The following LDLRAD4 variants were observed in gnomAD, a reference collection of about 807,000 sequenced individuals.
LDLRAD4 encodes low density lipoprotein receptor class A domain containing 4, also known as low-density lipoprotein receptor class A domain-containing protein 4.
LDLRAD4 carries 5 observed loss-of-function variants against 17.0 expected under a neutral mutation model. That is an observed-to-expected ratio of 0.29 (90% CI 0.15 to 0.62). LDLRAD4 has a LOEUF of 0.62. Ranked by LOEUF, LDLRAD4 falls within the 20% of genes least tolerant of loss-of-function variation. The pLI is 0.84. For missense variants in LDLRAD4, 340 were observed against 424.7 expected, an observed-to-expected ratio of 0.80 and a Z score of 1.75; for synonymous variants, 168 against 171.8, an observed-to-expected ratio of 0.98 and a Z score of 0.17.
At position 13,645,669 on chromosome 18, in the gene LDLRAD4, G is replaced by C; in HGVS notation, c.*12G>C. ...GGAACCTGGTCTGATTCCTTCCAAC[G>C]TGCACTTCAGCTGGAGAAAGAAACC... On this transcript the variant is annotated 3_prime_UTR_variant, in exon 6 of 6. Coordinates refer to ENST00000359446, the Ensembl canonical transcript of LDLRAD4. The surrounding 1 kb of genome is among the most constrained non-coding windows in gnomAD (Gnocchi z 5.7). 1 of 1,500,812 alleles carries C rather than the reference G, an allele frequency of 6.7e-7. No homozygotes were observed. The highest frequency in any genetic ancestry group is 1.4e-5 in the South Asian group (1 of 70,588). 93.0% of individuals were successfully genotyped at this position (1,500,812 alleles called of 1,614,324 possible).
upstream of LDLRAD4, among the ~76,000 whole-genome samples, chr18:13,275,503 A>T (rs1409745260): frequency 6.6e-6 from 1 of 152,200 alleles, no homozygotes; most frequent in Non-Finnish European, 1.5e-5. Context: ...TTTTGTGACT[A>T]GACATTGGCA....
chr18:13,457,496 T>C (rs1489306309), intron 3 of LDLRAD4, among the ~76,000 whole-genome samples: 1 of 152,074 alleles, frequency 6.6e-6, no homozygotes, highest in Non-Finnish European at 1.5e-5. Context: ...CTGAGGAGGA[T>C]CGTATGAGCA....
intron 1 of LDLRAD4, chr18:13,279,436 T>C (rs2045111057): frequency 6.6e-6 from 1 of 152,236 alleles, no homozygotes; most frequent in Non-Finnish European, 1.5e-5. Context: ...TTCTCTTTTA[T>C]TGTCTCAAAT....
intron 1 of LDLRAD4, among the ~76,000 whole-genome samples, chr18:13,339,561 C>T (rs1400825158): frequency 2.6e-5 from 4 of 152,066 alleles, no homozygotes; most frequent in South Asian, 2.1e-4. Context: ...AGCATAAAAA[C>T]GTAAACAAGA....
chr18:13,480,645 G>A (rs762547385), intron 3 of LDLRAD4, among the ~76,000 whole-genome samples: 8 of 152,218 alleles, frequency 5.3e-5, no homozygotes, highest in African/African-American at 7.2e-5. Context: ...GAGGCTGTGC[G>A]TGTGTTGGGG....
intron 3 of LDLRAD4, among the ~76,000 whole-genome samples, chr18:13,607,031 G>A (rs1335678445): frequency 6.6e-6 from 1 of 152,184 alleles, no homozygotes; most frequent in Non-Finnish European, 1.5e-5. Context: ...AAAAATCAAA[G>A]TAAGTCATCA....
intron 3 of LDLRAD4, chr18:13,614,801 A>G (rs1456390737): frequency 6.6e-6 from 1 of 152,184 alleles, no homozygotes; most frequent in Non-Finnish European, 1.5e-5. Context: ...GCCTTTAGGA[A>G]CATTCAGCAC....
intron 3 of LDLRAD4, among the ~76,000 whole-genome samples, chr18:13,523,738 C>T (rs1335848328): frequency 1.3e-5 from 2 of 152,156 alleles, no homozygotes; most frequent in Non-Finnish European, 2.9e-5. Flanking sequence ...TATGGGGACC[C>T]CTTTGCCTTT....
At chr18:13,381,822 AGG>A (rs1411374889) in intron 1 of LDLRAD4, among the ~76,000 whole-genome samples, 1 of 152,250 alleles carries the variant, frequency 6.6e-6, no homozygotes, top group Non-Finnish European at 1.5e-5. Flanking sequence ...AAATGAACAT[AGG>A]GTGAGATGAT....
chr18:13,274,723 A>G (rs73419313), upstream of LDLRAD4, among the ~76,000 whole-genome samples: 5 of 152,202 alleles, frequency 3.3e-5, no homozygotes, highest in Non-Finnish European at 7.3e-5. Flanking sequence ...AATATTTTCA[A>G]ATATCACTGT....
At chr18:13,554,084 G>A (rs890946380) in intron 3 of LDLRAD4, among the ~76,000 whole-genome samples, 2 of 152,126 alleles carry the variant, frequency 1.3e-5, no homozygotes, top group Admixed American at 6.5e-5. Context: ...AATAGATAAT[G>A]GAATGATCGT....
At chr18:13,425,387 T>G (rs773317707) in intron 2 of LDLRAD4, among the ~76,000 whole-genome samples, 13 of 152,224 alleles carry the variant, frequency 8.5e-5, no homozygotes, top group Non-Finnish European at 1.8e-4. Flanking sequence ...GCTTCTGGGT[T>G]ACATTTGTCT....
intron 1 of LDLRAD4, among the ~76,000 whole-genome samples, chr18:13,382,214 T>C (rs1420769296): frequency 1.3e-5 from 2 of 152,266 alleles, no homozygotes; most frequent in East Asian, 3.8e-4. Context: ...CACTTCTCCA[T>C]TGGATTTTGG....
chr18:13,256,134 T>G (rs2043490929), intron 1 of LDLRAD4, among the ~76,000 whole-genome samples: 1 of 152,152 alleles, frequency 6.6e-6, no homozygotes, highest in Non-Finnish European at 1.5e-5. Flanking sequence ...GGAGAACAGG[T>G]GCTGTGTGTG....
At chr18:13,274,037 T>C (rs909261912), upstream of LDLRAD4, among the ~76,000 whole-genome samples, 1 of 152,164 alleles carries the variant, frequency 6.6e-6, no homozygotes, top group Non-Finnish European at 1.5e-5. Context: ...GTATGGCGTG[T>C]GAGGAGCTCA....
chr18:13,362,719 G>A (rs2083759375), intron 1 of LDLRAD4: 1 of 152,154 alleles, frequency 6.6e-6, no homozygotes, highest in South Asian at 2.1e-4. Flanking sequence ...AGAAGGGGAA[G>A]ACAAAGATGA....
At chr18:13,630,526 A>T (rs1601817241) in intron 4 of LDLRAD4, among the ~76,000 whole-genome samples, 1 of 152,252 alleles carries the variant, frequency 6.6e-6, no homozygotes, top group Admixed American at 6.5e-5. Flanking sequence ...GGGGAAAAAT[A>T]GATTTCCAAC....
intron 3 of LDLRAD4, among the ~76,000 whole-genome samples, chr18:13,452,461 C>T (rs2091896165): frequency 6.6e-6 from 1 of 152,030 alleles, no homozygotes; most frequent in South Asian, 2.1e-4. Flanking sequence ...CCCCTGTGAG[C>T]AAGTCTCTGC....
At chr18:13,584,282 A>G (rs923961763) in intron 3 of LDLRAD4, among the ~76,000 whole-genome samples, 1 of 152,212 alleles carries the variant, frequency 6.6e-6, no homozygotes, top group Non-Finnish European at 1.5e-5. Flanking sequence ...TCTTTCTGTC[A>G]TCTGACTAAT....
Sources: allele counts gnomAD v4.1 joint callset (sites outside exome capture counted in the v4.1 genomes callset), GRCh38; gene constraint gnomAD v4.1.1; non-coding constraint Gnocchi (gnomAD v3.1); transcripts MANE v1.5; gene names NCBI Gene and HGNC (gene_info 2026-07-23, HGNC 2026-07-21).